Variants in GAS2 observed in about 807,000 individuals in gnomAD.
The protein encoded by GAS2 is growth arrest specific 2.
In GAS2, 20 loss-of-function variants were observed where a neutral mutation model predicts 37.5. The observed-to-expected ratio is 0.53, with a 90% CI of 0.37 to 0.77. The LOEUF (loss-of-function observed/expected upper bound fraction) is 0.77. Ranked by LOEUF, GAS2 falls within the 30% of genes least tolerant of loss-of-function variation. GAS2 has a pLI of 0.00. For synonymous variants in GAS2, 144 were observed against 132.2 expected (o/e 1.09, Z -0.61); for missense variants, 336 against 373.4 (o/e 0.90, Z 0.82).
chr11:22,786,232 T>TA (rs571991097), intron 7 of GAS2, among the ~76,000 whole-genome samples: 206 of 151,708 alleles, frequency 1.4e-3, no homozygotes, highest in Non-Finnish European at 2.3e-3. Context: ...ATGAGTTGGA[T>TA]AAAAAAAAAT....
chr11:22,732,811 T>TCAC lies in GAS2; in HGVS notation c.410-4885_410-4883dup, dbSNP rs1554975917. On this transcript the variant is annotated intron_variant, in intron 4 of 7. Transcript: ENST00000454584. Reference sequence around the variant, plus strand: ...ATCATCATCATCATCATCATCATCATCACCACCACCATTGCTATCCTTCAC... The same window carrying TCAC: ...ATCATCATCATCATCATCATCATCATCACCACCACCACCATTGCTATCCTTCAC... Among the ~76,000 whole-genome samples the TCAC allele has an allele frequency of 5.4e-5, 8 of 148,676 alleles. No homozygotes were observed. In the East Asian group the frequency reaches 6.0e-4, roughly 11 times the overall value.
In GAS2 at chr11:22,726,300, G is replaced by A. The variant is rs371383777; in HGVS notation, c.276G>A (p.Pro92=). 49 of 1,600,270 alleles carry A rather than the reference G, an allele frequency of 3.1e-5. No individual in the cohort carries two copies. Among genetic ancestry groups the A allele is most frequent in the Admixed American group, 9.0e-5 (5 of 55,406 alleles). Residue 92 remains proline, a synonymous_variant, in exon 4 of 8, where the codon CCG becomes CCA. Transcript: ENST00000454584. ...ATTTCTTTATTTTTCAGAATCTACC[G>A]TTGAAGAAGATCCCATGCAAAACCA... is the stretch of plus-strand genomic sequence containing the variant. The part of the protein sequence containing the change: ...MDANKPTKNL[P]LKKIPCKTSA...
intron 7 of GAS2, among the ~76,000 whole-genome samples, chr11:22,776,963 A>C (rs369975426): frequency 2.6e-4 from 39 of 152,296 alleles, no homozygotes; most frequent in South Asian, 4.1e-4. Flanking sequence ...TAACTATTGA[A>C]TTACCATTTT....
chr11:22,689,618 A>G (rs931200100), intron 3 of GAS2, among the ~76,000 whole-genome samples: 6 of 152,208 alleles, frequency 3.9e-5, no homozygotes, highest in African/African-American at 1.2e-4. Flanking sequence ...TTTTCAGTCC[A>G]TTGTTGGTCT....
At chr11:22,663,834 C>A (rs1443368799), upstream of GAS2, among the ~76,000 whole-genome samples, 1 of 152,080 alleles carries the variant, frequency 6.6e-6, no homozygotes, top group Non-Finnish European at 1.5e-5. Flanking sequence ...AAAATTTATT[C>A]TCTTTGCCTT....
chr11:22,788,570 C>G (rs879395302), intron 7 of GAS2, among the ~76,000 whole-genome samples: 1 of 152,102 alleles, frequency 6.6e-6, no homozygotes, highest in Non-Finnish European at 1.5e-5. Context: ...AGAAAAAGCA[C>G]ACTATAGTAA....
At chr11:22,654,419 T>C (rs575471242) in intron 1 of GAS2, among the ~76,000 whole-genome samples, 66 of 151,976 alleles carry the variant, frequency 4.3e-4, no homozygotes, top group Non-Finnish European at 7.1e-4. Context: ...TTTTCTTTTT[T>C]TTGTTTTGCT....
chr11:22,696,846 C>A (rs1257862520), intron 3 of GAS2, among the ~76,000 whole-genome samples: 10 of 151,100 alleles, frequency 6.6e-5, no homozygotes, highest in African/African-American at 1.7e-4. Context: ...GATATTAGCC[C>A]TTTGTCAGAT....
chr11:22,703,589 A>AT (rs1176210187), intron 3 of GAS2, among the ~76,000 whole-genome samples: 3 of 152,192 alleles, frequency 2.0e-5, no homozygotes, highest in African/African-American at 7.2e-5. Flanking sequence ...TTCATTTAAA[A>AT]ATGTCTGAGA....
intron 7 of GAS2, among the ~76,000 whole-genome samples, chr11:22,778,864 G>A (rs1449393623): frequency 1.3e-5 from 2 of 152,256 alleles, no homozygotes; most frequent in Non-Finnish European, 1.5e-5. Flanking sequence ...GTAGGAAACA[G>A]AATTCTGAGA....
intron 7 of GAS2, among the ~76,000 whole-genome samples, chr11:22,757,549 G>A (rs1854114878): frequency 6.6e-6 from 1 of 152,106 alleles, no homozygotes; most frequent in Non-Finnish European, 1.5e-5. Flanking sequence ...CTGTGATGTG[G>A]TTATTCACTG....
At chr11:22,626,437 A>G (rs1230491778) in intron 1 of GAS2, 1 of 154,086 alleles carries the variant, frequency 6.5e-6, no homozygotes, top group Non-Finnish European at 1.4e-5. Context: ...ACAATTGTAC[A>G]TTTCGTTTTC....
intron 7 of GAS2, among the ~76,000 whole-genome samples, chr11:22,762,498 G>T (rs924126440): frequency 6.6e-6 from 1 of 152,094 alleles, no homozygotes; most frequent in South Asian, 2.1e-4. Flanking sequence ...ACTCCAAGCT[G>T]CCACCTGTGC....
Position 22,646,253 on chromosome 11 carries a change from C to G in GAS2, c.-21+20440C>G, listed in dbSNP as rs529686012. ...AAATGCTAAGTTCTTCTCTAGCTCT[C>G]TGATGTGATAATTTCAATTAGTTTG... On this transcript the variant is annotated intron_variant, in intron 1 of 5. Transcript: ENST00000528582. Among the ~76,000 whole-genome samples, 13 of 152,254 alleles carry G rather than the reference C, an allele frequency of 8.5e-5. No individual in the cohort carries two copies. In the South Asian group the frequency reaches 2.7e-3, roughly 32 times the overall value.
intron 1 of GAS2, among the ~76,000 whole-genome samples, chr11:22,643,315 C>G (rs1008701595): frequency 4.6e-5 from 7 of 151,914 alleles, no homozygotes; most frequent in African/African-American, 1.7e-4. Context: ...CAGTTCAATG[C>G]CCAGAATCTG....
At chr11:22,651,628 T>C (rs1234581159) in intron 1 of GAS2, among the ~76,000 whole-genome samples, 1 of 152,194 alleles carries the variant, frequency 6.6e-6, no homozygotes, top group South Asian at 2.1e-4. Flanking sequence ...CTTTTTATTC[T>C]TTTTTCTCTA....
intron 7 of GAS2, among the ~76,000 whole-genome samples, chr11:22,804,191 GAGAATGGTTAGAGTCAGAAAAGC>G (rs1462331200): frequency 6.6e-6 from 1 of 152,124 alleles, no homozygotes; most frequent in African/African-American, 2.4e-5. Context: ...GTTACAAACA[GAGAATGGTTAGAGTCAGAAAAGC>G]AGTAGACAAA....
chr11:22,697,183 C>T lies in GAS2; in HGVS notation c.267+11394C>T, dbSNP rs1484672854. Among the ~76,000 whole-genome samples the T allele has an allele frequency of 3.3e-5, 5 of 152,250 alleles. No individual in the cohort carries two copies. In the East Asian group the frequency reaches 5.8e-4, roughly 18 times the overall value. On this transcript the variant is annotated intron_variant, in intron 3 of 7. Coordinates refer to ENST00000454584, the MANE Select transcript of GAS2 (RefSeq NM_001143830.3). ...ATATGGCTAGCCAGTTTTCCCAGCACCATTTATTAAATAGGGAATCCTTTC... is the reference window on the plus strand; with the variant it reads ...ATATGGCTAGCCAGTTTTCCCAGCATCATTTATTAAATAGGGAATCCTTTC...
chr11:22,724,330 A>G (rs780820870), intron 3 of GAS2, among the ~76,000 whole-genome samples: 26 of 152,048 alleles, frequency 1.7e-4, no homozygotes, highest in Middle Eastern at 6.8e-3. Flanking sequence ...TTTATGTATT[A>G]TATGTCATTC....
Sources: gnomAD v4.1 joint callset for allele counts (sites outside exome capture counted in the v4.1 genomes callset) on GRCh38, gnomAD v4.1.1 for gene constraint, MANE v1.5 for transcripts, NCBI Gene and HGNC (gene_info 2026-07-23, HGNC 2026-07-21) for gene names.